The following GRAMD4 variants were observed in gnomAD, a reference collection of about 807,000 sequenced individuals.
GRAMD4 encodes GRAM domain-containing protein 4.
A neutral mutation model predicts 83.9 loss-of-function variants in GRAMD4; 25 were observed. The ratio of observed to expected loss-of-function variants is 0.30; its 90% confidence interval spans 0.22 to 0.42. The LOEUF (loss-of-function observed/expected upper bound fraction) is 0.42, where lower values mean the gene tolerates loss of function less well. Among genes scored for constraint, GRAMD4 ranks in the 10% least tolerant of loss-of-function variants. The pLI is 1.00. For synonymous variants in GRAMD4, 336 were observed against 320.9 expected (o/e 1.05, Z -0.50); for missense variants, 593 against 788.7 (o/e 0.75, Z 2.97).
chr22:46,659,496 C>T lies in GRAMD4; in HGVS notation c.404+1189C>T, dbSNP rs2082296628. Among the ~76,000 whole-genome samples the T allele has an allele frequency of 6.6e-6, 1 of 152,244 alleles. No individual in the cohort carries two copies. On this transcript the variant is annotated intron_variant, in intron 4 of 18. Coordinates refer to ENST00000406902, the MANE Select transcript of GRAMD4 (RefSeq NM_015124.5). The surrounding 1 kb of genome is among the most constrained non-coding windows in gnomAD (Gnocchi z 4.1). Reference sequence around the variant, plus strand: ...AGGGAGGCACACGGCATCTCTGGGACACCCCAGCTGAGCACTGCCTGCTAT... The same window carrying T: ...AGGGAGGCACACGGCATCTCTGGGATACCCCAGCTGAGCACTGCCTGCTAT...
In GRAMD4 at chr22:46,678,865, CAT is replaced by C. The variant is rs1457332441; in HGVS notation, c.*1615_*1616del. ...GCTGCGCCGATCACCAGATTAAGCA[CAT>C]GTCCTATCCCAGGCGGTGGAGCGGA... is the stretch of plus-strand genomic sequence containing the variant. On this transcript the variant is annotated 3_prime_UTR_variant, in exon 19 of 19. Coordinates refer to ENST00000406902, the MANE Select transcript of GRAMD4 (RefSeq NM_015124.5). 1.0e-6 allele frequency: 1 copy of C among 985,936 alleles called. No homozygotes were observed. Among genetic ancestry groups the C allele is most frequent in the African/African-American group, 1.7e-5 (1 of 57,258 alleles). 61.1% of individuals were successfully genotyped at this position (985,936 alleles called of 1,614,324 possible).
At chr22:46,626,104 AG>A (rs1364608538) in intron 1 of GRAMD4, among the ~76,000 whole-genome samples, 1 of 152,186 alleles carries the variant, frequency 6.6e-6, no homozygotes, top group Non-Finnish European at 1.5e-5. Context: ...AACACGCTTT[AG>A]GCAGAGGGAG....
chr22:46,594,926 C>T (rs1372144414), intron 1 of GRAMD4, among the ~76,000 whole-genome samples: 2 of 152,146 alleles, frequency 1.3e-5, no homozygotes, highest in African/African-American at 4.8e-5. Flanking sequence ...CCTGTGTCCG[C>T]TGCTGGTAAC....
rs1569288078 is a variant in GRAMD4 at position 46,648,686 on chromosome 22, TGATGGATGGATGCATGGATGGATGGATG to T, written c.284-9468_284-9441del. Among the ~76,000 whole-genome samples, 75 of 142,132 alleles carry T rather than the reference TGATGGATGGATGCATGGATGGATGGATG, an allele frequency of 5.3e-4. 1 individual carries two copies. The highest frequency in any genetic ancestry group is 2.0e-3 in the African/African-American group (71 of 36,046). The allele number at this position is 142,132 out of a possible 152,430, so 93.2% of individuals were successfully genotyped here. ...ATTTGGTAATGGGTGGGTAAATGAT[TGATGGATGGATGCATGGATGGATGGATG>T]GATGGATGGATGCATGGATGGATGG... is the stretch of plus-strand genomic sequence containing the variant. On this transcript the variant is annotated intron_variant, in intron 3 of 18. Coordinates refer to ENST00000406902, the MANE Select transcript of GRAMD4 (RefSeq NM_015124.5).
intron 2 of GRAMD4, among the ~76,000 whole-genome samples, chr22:46,637,284 G>A (rs935028968): frequency 3.4e-5 from 5 of 145,220 alleles, no homozygotes; most frequent in Admixed American, 7.0e-5. Flanking sequence ...ATGGAGTCTC[G>A]CTCTGTCGCC....
chr22:46,581,609 G>A (rs1423819707), intron 1 of GRAMD4, among the ~76,000 whole-genome samples: 2 of 152,230 alleles, frequency 1.3e-5, no homozygotes, highest in Non-Finnish European at 2.9e-5. Context: ...AGCAAGATTC[G>A]GACAGCATGT....
Position 46,672,567 on chromosome 22 carries a change from G to A in GRAMD4, c.1085-276G>A, listed in dbSNP as rs1349604857. ...GAGAAGTGAGGGGCATTGGATGGGG[G>A]GGTCCTAGCAGAGCTGAGGGGTCTT... On this transcript the variant is annotated intron_variant, in intron 13 of 18. Transcript: ENST00000406902. The surrounding 1 kb of genome is among the most constrained non-coding windows in gnomAD (Gnocchi z 4.7). 1.3e-5 allele frequency among the ~76,000 whole-genome samples: 2 copies of A among 151,990 alleles called. No individual in the cohort carries two copies. The highest frequency in any genetic ancestry group is 2.9e-5 in the Non-Finnish European group (2 of 67,970).
intron 3 of GRAMD4, among the ~76,000 whole-genome samples, chr22:46,654,642 G>A (rs2082216422): frequency 6.6e-6 from 1 of 152,220 alleles, no homozygotes; most frequent in Non-Finnish European, 1.5e-5. Context: ...GTCCCCGCCT[G>A]CCTCCACTCC....
intron 3 of GRAMD4, among the ~76,000 whole-genome samples, chr22:46,639,539 T>C (rs963948097): frequency 2.0e-5 from 3 of 151,656 alleles, no homozygotes; most frequent in African/African-American, 7.3e-5. Flanking sequence ...ACCCTGTGTG[T>C]GTGTGTGCAG....
intron 2 of GRAMD4, among the ~76,000 whole-genome samples, chr22:46,631,960 C>T (rs889958238): frequency 1.3e-5 from 2 of 150,160 alleles, no homozygotes; most frequent in Non-Finnish European, 3.0e-5. Context: ...TAGAACCTCA[C>T]GGCCTGTGTC....
chr22:46,587,463 A>T (rs1429333029), intron 1 of GRAMD4, among the ~76,000 whole-genome samples: 1 of 151,862 alleles, frequency 6.6e-6, no homozygotes, highest in East Asian at 2.0e-4. Context: ...TTCCGGCTTC[A>T]GTGCCCAGGT....
intron 1 of GRAMD4, among the ~76,000 whole-genome samples, chr22:46,614,437 C>T (rs1021120576): frequency 6.6e-6 from 1 of 152,208 alleles, no homozygotes; most frequent in African/African-American, 2.4e-5. Context: ...AATATTCTGC[C>T]ATTGGAAAGC....
At chr22:46,677,106 T>C in intron 18 of GRAMD4, 41 bp from the exon 19 acceptor site, 18 of 1,607,984 alleles carry the variant, frequency 1.1e-5, no homozygotes, top group Non-Finnish European at 1.0e-5. Context: ...GGCGCCAGCC[T>C]GGCTGTGCCA....
At chr22:46,599,412 G>A (rs926555705) in intron 1 of GRAMD4, among the ~76,000 whole-genome samples, 23 of 150,590 alleles carry the variant, frequency 1.5e-4, no homozygotes, top group Admixed American at 1.2e-3. Flanking sequence ...TCTACCTCCC[G>A]GGTTCAAGTG....
intron 3 of GRAMD4, among the ~76,000 whole-genome samples, chr22:46,653,161 C>T (rs925948217): frequency 6.6e-6 from 1 of 152,240 alleles, no homozygotes; most frequent in Non-Finnish European, 1.5e-5. Flanking sequence ...CATGGCTCTT[C>T]CGGAAGCTGG....
intron 3 of GRAMD4, among the ~76,000 whole-genome samples, chr22:46,657,223 C>T (rs904756018): frequency 1.3e-5 from 2 of 152,200 alleles, no homozygotes; most frequent in Non-Finnish European, 2.9e-5. Context: ...TGAGAAGGAC[C>T]GAGGACCTGT....
intron 12 of GRAMD4, 28 bp from the exon 13 acceptor site, chr22:46,668,771 C>A (rs2082452858): frequency 7.8e-7 from 1 of 1,278,014 alleles, no homozygotes; most frequent in African/African-American, 1.6e-5. Context: ...CGGCGCCCGC[C>A]CGGCCTGAGC....
Position 46,603,796 on chromosome 22 carries a change from G to A in GRAMD4, c.-49-22955G>A, listed in dbSNP as rs747908448. On this transcript the variant is annotated intron_variant, in intron 1 of 1. Coordinates refer to the GRAMD4 transcript ENST00000431155. The stretch of plus-strand genomic sequence containing the variant: ...CTCCCAAAGTGCTGGGATTACAGGC[G>A]TGACCACCGCGCCCAGCCTCGGCCT... 1.3e-3 allele frequency among the ~76,000 whole-genome samples: 200 copies of A among 150,524 alleles called. 1 individual carries two copies. Among genetic ancestry groups the A allele is most frequent in the Non-Finnish European group, 1.0e-3 (69 of 67,558 alleles).
intron 13 of GRAMD4, among the ~76,000 whole-genome samples, chr22:46,669,579 C>CTTT (rs748596128): frequency 7.0e-6 from 1 of 141,966 alleles, no homozygotes. Flanking sequence ...CTCTCTCTCT[C>CTTT]TTTTTTTTTT....
Sources: allele counts gnomAD v4.1 joint callset (sites outside exome capture counted in the v4.1 genomes callset), GRCh38; gene constraint gnomAD v4.1.1; non-coding constraint Gnocchi (gnomAD v3.1); transcripts MANE v1.5; gene names NCBI Gene and HGNC (gene_info 2026-07-23, HGNC 2026-07-21).